NDRG1: variants seen among roughly 807,000 people sequenced by gnomAD.
NDRG1 encodes the protein N-myc downstream regulated 1.
NDRG1 carries 32 observed loss-of-function variants against 56.9 expected under a neutral mutation model. That is an observed-to-expected ratio of 0.56 (90% CI 0.42 to 0.76). The LOEUF is 0.76. Among genes scored for constraint, NDRG1 ranks in the 30% least tolerant of loss-of-function variants. NDRG1 has a pLI of 0.00. For missense variants in NDRG1, 507 were observed against 545.7 expected, an observed-to-expected ratio of 0.93 and a Z score of 0.71; for synonymous variants, 211 against 204.1, an observed-to-expected ratio of 1.03 and a Z score of -0.29.
intron 14 of NDRG1, among the ~76,000 whole-genome samples, chr8:133,242,439 G>A (rs1009522629): frequency 1.3e-5 from 2 of 152,214 alleles, no homozygotes; most frequent in African/African-American, 4.8e-5. Flanking sequence ...CCCAATGCAA[G>A]GGGCTTTGCT....
At chr8:133,280,122 T>C in intron 3 of NDRG1, 110 bp downstream of exon 3, 2 of 1,349,898 alleles carry the variant, frequency 1.5e-6, no homozygotes, top group Non-Finnish European at 1.0e-6. Flanking sequence ...CTGCCTTCTC[T>C]CCCCTTGCCC....
Position 133,284,296 on chromosome 8 carries a change from G to C in NDRG1, c.16C>G (p.Gln6Glu). 1 of 1,614,110 alleles carries C rather than the reference G, an allele frequency of 6.2e-7. No homozygotes were observed. Residue 6 changes from glutamine to glutamate, a missense_variant, in exon 2 of 16, where the codon CAG (glutamine) becomes GAG (glutamate). Physicochemically the swap from Gln to Glu is conservative, Grantham distance 29 (BLOSUM62 2). Transcript: ENST00000323851. ...TTCACCTCAGCGAGGTCTACATCCT[G>C]CATCTCCCGAGACATGTCCCTGCTG... Reference protein sequence around the residue: MSREMQDVDLAEVKPL... With the variant: MSREMEDVDLAEVKPL...
At chr8:133,267,887 G>A (rs1422313622) in intron 3 of NDRG1, among the ~76,000 whole-genome samples, 1 of 152,158 alleles carries the variant, frequency 6.6e-6, no homozygotes, top group African/African-American at 2.4e-5. Flanking sequence ...GGCAGGATGG[G>A]GACTCCCGGT....
chr8:133,238,572 G>T lies in NDRG1; in HGVS notation c.*306C>A, dbSNP rs886062714. ...CTTTGTGAAGTGTGTGCTGCTACGC[G>T]TCTTGTTTTTGGCAGTTTGGTGTCT... is the stretch of plus-strand genomic sequence containing the variant. On this transcript the variant is annotated 3_prime_UTR_variant, in exon 16 of 16. Coordinates refer to ENST00000323851, the MANE Select transcript of NDRG1 (RefSeq NM_006096.4). 4.1e-6 allele frequency: 2 copies of T among 482,336 alleles called. No homozygotes were observed. The highest frequency in any genetic ancestry group is 3.7e-6 in the Non-Finnish European group (1 of 270,224). 29.9% of individuals were successfully genotyped at this position (482,336 alleles called of 1,614,324 possible).
At chr8:133,258,982 A>T in intron 6 of NDRG1, 186 bp downstream of exon 6, 1 of 686,932 alleles carries the variant, frequency 1.5e-6, no homozygotes, top group Non-Finnish European at 2.6e-6. Context: ...AAGTTAGAGG[A>T]GACAGACTAG....
intron 1 of NDRG1, among the ~76,000 whole-genome samples, chr8:133,290,830 A>G (rs753714988): frequency 6.6e-6 from 1 of 152,192 alleles, no homozygotes; most frequent in Admixed American, 6.5e-5. Flanking sequence ...GGCCAACTCA[A>G]TGCTTTGGAA....
rs58312135 is a variant in NDRG1 at position 133,257,282 on chromosome 8, T to TACACACAC, written c.451-427_451-420dup. ...CTTACTTCCAGGATAAACACATGCA[T>TACACACAC]ACACACACACACACACACACACACA... is the stretch of plus-strand genomic sequence containing the variant. On this transcript the variant is annotated intron_variant, in intron 7 of 15. Transcript: ENST00000323851. Among the ~76,000 whole-genome samples, 661 of 146,808 alleles carry TACACACAC rather than the reference T, an allele frequency of 4.5e-3. 2 individuals are homozygous for TACACACAC. Among genetic ancestry groups the TACACACAC allele is most frequent in the African/African-American group, 0.016 (635 of 40,154 alleles).
chr8:133,254,927 C>T (rs1856287260), intron 8 of NDRG1: 1 of 381,834 alleles, frequency 2.6e-6, no homozygotes, highest in Non-Finnish European at 5.0e-6. Context: ...CAAAGAGGGC[C>T]ATCCATTCAC....
rs78081755 is a variant in NDRG1 at position 133,262,583 on chromosome 8, C to T, written c.206-416G>A. Among the ~76,000 whole-genome samples the T allele has an allele frequency of 8.0e-3, 1,215 of 152,264 alleles. 4 individuals are homozygous for T. The highest frequency in any genetic ancestry group is 0.013 in the Non-Finnish European group (889 of 68,002). On this transcript the variant is annotated intron_variant, in intron 4 of 15. Coordinates refer to ENST00000323851, the MANE Select transcript of NDRG1 (RefSeq NM_006096.4). ...GTCCAGGACACACATAATTTTCAAA[C>T]GAGGAGGAGCATGGGAGGTGAGGCG... is the stretch of plus-strand genomic sequence containing the variant.
At chr8:133,254,179 G>A (rs1856238409) in intron 9 of NDRG1, among the ~76,000 whole-genome samples, 1 of 152,184 alleles carries the variant, frequency 6.6e-6, no homozygotes, top group African/African-American at 2.4e-5. Flanking sequence ...GAAGTTGCCT[G>A]AGGAGGAGGG....
chr8:133,241,976 T>C (rs567782179), intron 15 of NDRG1, 47 bp downstream of exon 15: 4 of 1,609,428 alleles, frequency 2.5e-6, no homozygotes, highest in Non-Finnish European at 3.4e-6. Flanking sequence ...CACTTCCAAT[T>C]CCGACACATG....
At position 133,238,932 on chromosome 8, in the gene NDRG1, G is replaced by A. The variant is rs761266390; in HGVS notation, c.1131C>T (p.Asn377=). The change falls in exon 16 of 16, where the codon AAC becomes AAT. Residue 377 remains asparagine (N), a synonymous_variant. Coordinates refer to ENST00000323851, the MANE Select transcript of NDRG1 (RefSeq NM_006096.4). ...SEGAHLDITP[N]SGAAGNSAGP... ...CGGCGCTGTTCCCAGCAGCACCCGA[G>A]TTGGGGGTGATGTCCAGGTGGGCCC... The A allele has an allele frequency of 5.7e-6, 9 of 1,568,106 alleles. No homozygotes were observed. The highest frequency in any genetic ancestry group is 7.8e-6 in the Non-Finnish European group (9 of 1,157,074).
At chr8:133,286,796 T>G (rs575257107) in intron 1 of NDRG1, among the ~76,000 whole-genome samples, 122 of 152,326 alleles carry the variant, frequency 8.0e-4, no homozygotes, top group Non-Finnish European at 1.5e-3. Flanking sequence ...TTTGAACCAT[T>G]TAGGAAGTGT....
At chr8:133,257,434 C>T (rs1008723146) in intron 7 of NDRG1, among the ~76,000 whole-genome samples, 1 of 152,154 alleles carries the variant, frequency 6.6e-6, no homozygotes, top group East Asian at 1.9e-4. Context: ...CACACCTAGA[C>T]AGTATAGTCT....
chr8:133,291,484 G>C (rs1350751259), intron 1 of NDRG1, among the ~76,000 whole-genome samples: 1 of 152,164 alleles, frequency 6.6e-6, no homozygotes, highest in Non-Finnish European at 1.5e-5. Context: ...GGCTCTCTTG[G>C]TGTTTTCTGG....
At chr8:133,254,080 A>T (rs7821855) in intron 9 of NDRG1, among the ~76,000 whole-genome samples, 12 of 118,750 alleles carry the variant, frequency 1.0e-4, no homozygotes, top group African/African-American at 6.5e-5. Flanking sequence ...CCAGACCAAA[A>T]AAAAAAAAAA....
At chr8:133,248,005 G>T in intron 11 of NDRG1, 79 bp from the exon 12 acceptor site, 1 of 1,368,098 alleles carries the variant, frequency 7.3e-7, no homozygotes. Flanking sequence ...CCAGGCTGGG[G>T]CCTGCATTCT....
At chr8:133,275,776 G>A (rs1441727600) in intron 3 of NDRG1, among the ~76,000 whole-genome samples, 4 of 152,196 alleles carry the variant, frequency 2.6e-5, no homozygotes, top group African/African-American at 7.2e-5. Context: ...CCAGCTCTGC[G>A]ATCTCAGGCA....
At chr8:133,254,701 C>A (rs1276097846) in intron 8 of NDRG1, 106 bp from the exon 9 acceptor site, 3 of 1,104,812 alleles carry the variant, frequency 2.7e-6, no homozygotes, top group East Asian at 2.6e-5. Flanking sequence ...GCTGGACTCC[C>A]CCCTACATGC....
Sources: gnomAD v4.1 joint callset for allele counts (sites outside exome capture counted in the v4.1 genomes callset) on GRCh38, gnomAD v4.1.1 for gene constraint, MANE v1.5 for transcripts, NCBI Gene and HGNC (gene_info 2026-07-23, HGNC 2026-07-21) for gene names.